The following TRIO variants were observed in gnomAD, a reference collection of about 807,000 sequenced individuals.
TRIO encodes triple functional domain protein.
TRIO carries 58 observed loss-of-function variants against 351.9 expected under a neutral mutation model. That is an observed-to-expected ratio of 0.16 (90% CI 0.13 to 0.21). The LOEUF (loss-of-function observed/expected upper bound fraction) is 0.21, where lower values mean the gene tolerates loss of function less well. Among genes scored for constraint, TRIO ranks in the 10% least tolerant of loss-of-function variants. The pLI is 1.00. For synonymous variants in TRIO, 1,758 were observed against 1,595.7 expected, an observed-to-expected ratio of 1.10 and a Z score of -2.42; for missense variants, 3,201 against 4,027.8, an observed-to-expected ratio of 0.79 and a Z score of 5.56.
Position 14,406,644 on chromosome 5 carries a change from C to T in TRIO, c.4931C>T (p.Thr1644Met), listed in dbSNP as rs55687522. ...QPDTISIASR[T>M]SQNTLDSDKL... ...GATACGATTTCCATCGCCTCACGGA[C>T]GTCTCAGAACACGCTGGACAGCGAT... is the stretch of plus-strand genomic sequence containing the variant. Residue 1644 changes from threonine to methionine, a missense_variant, in exon 33 of 57, where the codon ACG (threonine) becomes ATG (methionine). By Grantham distance (81) the Thr-to-Met change is moderately conservative. Coordinates refer to ENST00000344204, the MANE Select transcript of TRIO (RefSeq NM_007118.4). 53 of 1,613,916 alleles carry T rather than the reference C, an allele frequency of 3.3e-5. No homozygotes were observed. The highest frequency in any genetic ancestry group is 1.7e-5 in the Admixed American group (1 of 59,998).
intron 40 of TRIO, 111 bp downstream of exon 40, chr5:14,474,208 C>T (rs933383716): frequency 1.4e-5 from 14 of 1,009,336 alleles, no homozygotes; most frequent in Admixed American, 2.0e-5. Flanking sequence ...CCTGTGTAGC[C>T]TCCTGGAGGG....
In TRIO at chr5:14,405,857, A is replaced by G. The variant is rs200972870; in HGVS notation, c.4726A>G (p.Ile1576Val). 3.8e-5 allele frequency: 61 copies of G among 1,613,996 alleles called. No homozygotes were observed. The East Asian group carries it at 1.2e-3, about 33-fold the overall frequency. The part of the protein sequence containing the change: ...DNKIVLKASS[I>V]ENKQDWIKHI... ...CTAACACCTTGTTAAGGCTTCCAGC[A>G]TAGAGAACAAGCAGGACTGGATAAA... is the stretch of plus-strand genomic sequence containing the variant. Residue 1576 changes from isoleucine to valine, a missense_variant, in exon 32 of 57, where the codon ATA (isoleucine) becomes GTA (valine). Physicochemically the swap from Ile to Val is conservative, Grantham distance 29. This residue lies in a region of TRIO where 136 missense variants were observed against 229.5 expected (regional missense o/e 0.59). Coordinates refer to ENST00000344204, the MANE Select transcript of TRIO (RefSeq NM_007118.4).
chr5:14,498,756 G>GT (rs1757074871), intron 53 of TRIO, 116 bp downstream of exon 53: 2 of 1,472,712 alleles, frequency 1.4e-6, no homozygotes, highest in Middle Eastern at 3.6e-4. Context: ...AGAACAATAA[G>GT]TCATTTGTGG....
chr5:14,211,824 A>C (rs1428079947), intron 1 of TRIO, among the ~76,000 whole-genome samples: 1 of 151,996 alleles, frequency 6.6e-6, no homozygotes, highest in Non-Finnish European at 1.5e-5. Context: ...AAAGTAAATT[A>C]GTGGGGACAG....
intron 15 of TRIO, 130 bp from the exon 16 acceptor site, chr5:14,366,730 A>AC: frequency 7.4e-7 from 1 of 1,343,808 alleles, no homozygotes; most frequent in Non-Finnish European, 1.0e-6. Context: ...TTTTAGGATG[A>AC]TGAAGGCATC....
chr5:14,482,276 C>A (rs139439242), intron 45 of TRIO: 10 of 187,860 alleles, frequency 5.3e-5, no homozygotes, highest in East Asian at 1.3e-4. Context: ...TTCCTGCTGG[C>A]GACCCAGGGA....
At chr5:14,297,474 T>C (rs1737463186) in intron 7 of TRIO, 1 of 518,368 alleles carries the variant, frequency 1.9e-6, no homozygotes, top group African/African-American at 1.9e-5. Flanking sequence ...TGTTTTGTTT[T>C]TTCATTTGTA....
At chr5:14,155,602 T>C (rs1306833316) in intron 1 of TRIO, among the ~76,000 whole-genome samples, 1 of 152,212 alleles carries the variant, frequency 6.6e-6, no homozygotes, top group Non-Finnish European at 1.5e-5. Flanking sequence ...GTTTTGACGA[T>C]TACATGGTGG....
intron 48 of TRIO, among the ~76,000 whole-genome samples, chr5:14,490,098 T>G (rs1314094508): frequency 6.6e-6 from 1 of 152,114 alleles, no homozygotes; most frequent in Non-Finnish European, 1.5e-5. Context: ...TGAAACCCCA[T>G]CTCTACTAAA....
At chr5:14,448,570 C>G (rs1337650649) in intron 34 of TRIO, among the ~76,000 whole-genome samples, 1 of 152,240 alleles carries the variant, frequency 6.6e-6, no homozygotes, top group East Asian at 1.9e-4. Flanking sequence ...GGGCCACTCC[C>G]TGGCTGGAGA....
In TRIO at chr5:14,508,145, G is replaced by A. The variant is rs55892819; in HGVS notation, c.9017G>A (p.Arg3006His). Residue 3006 changes from arginine (R) to histidine (H), a missense_variant, in exon 57 of 57, where the codon CGC (arginine) becomes CAC (histidine). Physicochemically the swap from Arg to His is conservative, Grantham distance 29 (BLOSUM62 0). This residue lies in a region of TRIO where 233 missense variants were observed against 292.6 expected (regional missense o/e 0.80). Coordinates refer to ENST00000344204, the MANE Select transcript of TRIO (RefSeq NM_007118.4). ...GAAGAGACCTGCCTGAACATTTGCC[G>A]CTTAGACTTTAGCTTCCCAGATGAC... ...SVEETCLNIC[R>H]LDFSFPDDYF... 7 of 1,614,044 alleles carry A rather than the reference G, an allele frequency of 4.3e-6. No individual in the cohort carries two copies. Among genetic ancestry groups the A allele is most frequent in the East Asian group, 2.2e-5 (1 of 44,884 alleles).
At chr5:14,388,301 C>G (rs946268605) in intron 23 of TRIO, among the ~76,000 whole-genome samples, 2 of 152,160 alleles carry the variant, frequency 1.3e-5, no homozygotes, top group Admixed American at 6.5e-5. Context: ...CTGTTGGCCT[C>G]TAGTGGGAAG....
chr5:14,354,988 A>G (rs750641921), intron 11 of TRIO, among the ~76,000 whole-genome samples: 1 of 152,214 alleles, frequency 6.6e-6, no homozygotes, highest in African/African-American at 2.4e-5. Context: ...GAATCAGTGC[A>G]GTTGCACAGC....
chr5:14,189,299 C>T (rs1790320160), intron 1 of TRIO, among the ~76,000 whole-genome samples: 1 of 152,130 alleles, frequency 6.6e-6, no homozygotes, highest in Admixed American at 6.5e-5. Flanking sequence ...CTCCTGTCCC[C>T]ATGGTTTGAT....
chr5:14,400,715 T>G (rs926313097), intron 30 of TRIO, among the ~76,000 whole-genome samples: 1 of 152,128 alleles, frequency 6.6e-6, no homozygotes, highest in Non-Finnish European at 1.5e-5. Context: ...TCCCCTGAAT[T>G]TTTTGCTCGT....
intron 21 of TRIO, among the ~76,000 whole-genome samples, chr5:14,383,264 A>G (rs908821247): frequency 1.3e-5 from 2 of 152,218 alleles, no homozygotes; most frequent in African/African-American, 4.8e-5. Context: ...TATTAAGAAA[A>G]TGCCTAACAT....
At chr5:14,400,847 G>A (rs1033646385) in intron 30 of TRIO, 116 bp from the exon 31 acceptor site, 15 of 822,294 alleles carry the variant, frequency 1.8e-5, no homozygotes, top group Middle Eastern at 3.2e-4. Context: ...GATCACTAGT[G>A]ACGTTCTTAT....
chr5:14,216,573 G>T (rs1157076166), intron 1 of TRIO, among the ~76,000 whole-genome samples: 1 of 152,188 alleles, frequency 6.6e-6, no homozygotes, highest in Non-Finnish European at 1.5e-5. Flanking sequence ...TCATAATACT[G>T]ACATCAAGGT....
chr5:14,283,277 G>C (rs1736160995), intron 3 of TRIO, among the ~76,000 whole-genome samples: 1 of 152,184 alleles, frequency 6.6e-6, no homozygotes, highest in Non-Finnish European at 1.5e-5. Context: ...ACCTTTTGCT[G>C]TGTCCAGTGC....
Sources: gnomAD v4.1 joint callset for allele counts (sites outside exome capture counted in the v4.1 genomes callset) on GRCh38, gnomAD v4.1.1 for gene constraint, gnomAD v4.1.1 regional missense constraint, MANE v1.5 for transcripts, NCBI Gene and HGNC (gene_info 2026-07-23, HGNC 2026-07-21) for gene names.